The following YTHDC2 variants were observed in gnomAD, a reference collection of about 807,000 sequenced individuals.
YTHDC2 encodes the protein 3'-5' RNA helicase YTHDC2.
YTHDC2 carries 45 observed loss-of-function variants against 174.9 expected under a neutral mutation model. That is an observed-to-expected ratio of 0.26 (90% CI 0.20 to 0.33). The LOEUF is 0.33. Ranked by LOEUF, YTHDC2 falls within the 10% of genes least tolerant of loss-of-function variation. The pLI, the probability that YTHDC2 is intolerant of heterozygous loss-of-function variation, is 1.00. For synonymous variants in YTHDC2, 657 were observed against 574.5 expected (o/e 1.14, Z -2.05); for missense variants, 1,650 against 1,723.7 (o/e 0.96, Z 0.76).
intron 4 of YTHDC2, among the ~76,000 whole-genome samples, chr5:113,528,299 GTTAAT>G (rs1774420534): frequency 6.6e-6 from 1 of 151,948 alleles, no homozygotes; most frequent in South Asian, 2.1e-4. Flanking sequence ...AGAAGAAACT[GTTAAT>G]TTAATGAGTT....
chr5:113,542,218 T>C (rs548739074), intron 9 of YTHDC2, 150 bp from the exon 10 acceptor site: 41 of 728,762 alleles, frequency 5.6e-5, no homozygotes, highest in Non-Finnish European at 8.1e-5. Context: ...TGATAATGTT[T>C]GTGATGAAAG....
rs536079435 is a variant in YTHDC2 at position 113,573,740 on chromosome 5, A to G, written c.3245-5846A>G. Among the ~76,000 whole-genome samples the G allele has an allele frequency of 9.9e-5, 15 of 151,860 alleles. No homozygotes were observed. The South Asian group carries it at 1.0e-3, about 11-fold the overall frequency. On this transcript the variant is annotated intron_variant, in intron 23 of 29. Coordinates refer to ENST00000161863, the MANE Select transcript of YTHDC2 (RefSeq NM_022828.5). ...GACGGTCTTCAAGCTCTGAGATTCT[A>G]TTCTCTGCTTGGTCTGTGCTTCTGT...
chr5:113,561,332 C>G (rs1034666794), intron 18 of YTHDC2, 147 bp downstream of exon 18: 1 of 474,460 alleles, frequency 2.1e-6, no homozygotes, highest in South Asian at 5.6e-5. Context: ...ATGTCTATAA[C>G]AAATATTTTT....
At position 113,539,186 on chromosome 5, in the gene YTHDC2, AT is replaced by A. The variant is rs752552576; in HGVS notation, c.1210+11del. The A allele has an allele frequency of 6.5e-6, 8 of 1,232,144 alleles. No individual in the cohort carries two copies. In the African/African-American group the frequency reaches 7.8e-5, roughly 12 times the overall value. The allele number at this position is 1,232,144 out of a possible 1,614,324, so 76.3% of individuals were successfully genotyped here. A position where few individuals can be genotyped will look rare whatever the true frequency, so the allele number is the denominator to read the frequency against. On this transcript the variant is annotated splice_donor_region_variant and intron_variant, in intron 8 of 29. Coordinates refer to ENST00000161863, the MANE Select transcript of YTHDC2 (RefSeq NM_022828.5). ...ATAAAAAGGAAAAACAGCAAGGTAA[AT>A]TTTTTAATAAAAGAAATATAAAAGA...
chr5:113,542,579 G>A, intron 10 of YTHDC2, 76 bp downstream of exon 10: 3 of 1,375,028 alleles, frequency 2.2e-6, no homozygotes, highest in South Asian at 1.5e-5. Context: ...CAAAACGTAT[G>A]TACTACCAAT....
chr5:113,515,218 T>G (rs1240184073), intron 1 of YTHDC2, 54 bp from the exon 2 acceptor site: 4 of 1,350,362 alleles, frequency 3.0e-6, no homozygotes, highest in Non-Finnish European at 3.1e-6. Context: ...GTGTTTTACT[T>G]GAGAGAAAAT....
chr5:113,526,826 A>T (rs59216476), intron 4 of YTHDC2, 41 bp downstream of exon 4: 13,556 of 145,068 alleles, frequency 0.093, 546 homozygotes, highest in African/African-American at 0.15. Flanking sequence ...AAAAAAAAAA[A>T]ATATATATAT....
rs149320816 is a variant in YTHDC2, at chr5:113,517,691, T to A, written c.278+2329T>A. 2.3e-4 allele frequency: 93 copies of A among 397,338 alleles called. No individual in the cohort carries two copies. The East Asian group carries it at 6.6e-3, about 28-fold the overall frequency. The allele number at this position is 397,338 out of a possible 1,614,324, so 24.6% of individuals were successfully genotyped here. ...TCTTACGAAATACCCTAGCTCCTTCTCTCTTTTTTTCATCTTTGAGTAAAC... is the reference window on the plus strand; with the variant it reads ...TCTTACGAAATACCCTAGCTCCTTCACTCTTTTTTTCATCTTTGAGTAAAC... On this transcript the variant is annotated intron_variant, in intron 2 of 29. Coordinates refer to ENST00000161863, the MANE Select transcript of YTHDC2 (RefSeq NM_022828.5).
intron 25 of YTHDC2, chr5:113,584,080 G>GCT (rs1778543431): frequency 2.8e-6 from 1 of 351,532 alleles, no homozygotes; most frequent in South Asian, 1.4e-4. Flanking sequence ...AAGTTACGAG[G>GCT]CTTGCTCAGG....
At chr5:113,523,808 T>C (rs1774034711) in intron 2 of YTHDC2, among the ~76,000 whole-genome samples, 1 of 152,122 alleles carries the variant, frequency 6.6e-6, no homozygotes, top group Non-Finnish European at 1.5e-5. Flanking sequence ...TGATAAAATT[T>C]ACATCTAATG....
At chr5:113,527,947 C>G (rs1424162041) in intron 4 of YTHDC2, among the ~76,000 whole-genome samples, 6 of 152,124 alleles carry the variant, frequency 3.9e-5, no homozygotes, top group Non-Finnish European at 7.4e-5. Flanking sequence ...CCCGCCACCA[C>G]GCCTGACCCA....
At chr5:113,575,945 G>C (rs1313012369) in intron 23 of YTHDC2, among the ~76,000 whole-genome samples, 4 of 150,132 alleles carry the variant, frequency 2.7e-5, no homozygotes, top group African/African-American at 9.7e-5. Context: ...ATTGAATGTG[G>C]GTAGTAAGGG....
chr5:113,591,389 C>A (rs1294466000), intron 27 of YTHDC2, 145 bp downstream of exon 27: 20 of 788,976 alleles, frequency 2.5e-5, no homozygotes, highest in Non-Finnish European at 3.4e-5. Context: ...TATTGCATCT[C>A]TTTAGAGGAT....
intron 18 of YTHDC2, 35 bp downstream of exon 18, chr5:113,561,220 T>G (rs2112706801): frequency 1.3e-6 from 2 of 1,565,048 alleles, no homozygotes; most frequent in Non-Finnish European, 1.7e-6. Flanking sequence ...GGCATTTTTT[T>G]GGGTGAGGGA....
intron 19 of YTHDC2, 64 bp from the exon 20 acceptor site, chr5:113,563,795 T>C: frequency 6.4e-7 from 1 of 1,554,070 alleles, no homozygotes; most frequent in Non-Finnish European, 8.8e-7. Flanking sequence ...TAGGGGTTTT[T>C]AATTATGTGT....
At chr5:113,526,848 TAGTCCCATATTATAA>T in intron 4 of YTHDC2, 63 bp downstream of exon 4, 1 of 370,286 alleles carries the variant, frequency 2.7e-6, no homozygotes, top group Non-Finnish European at 4.1e-6. Flanking sequence ...TATATATATA[TAGTCCCATATTATAA>T]TTTTATATCA....
chr5:113,528,977 A>T (rs1207223002), intron 4 of YTHDC2, among the ~76,000 whole-genome samples: 2 of 151,592 alleles, frequency 1.3e-5, no homozygotes, highest in Non-Finnish European at 2.9e-5. Flanking sequence ...GCATTGTTAT[A>T]TATTGGTTTT....
chr5:113,533,380 TA>T (rs879428787), intron 5 of YTHDC2, among the ~76,000 whole-genome samples: 206 of 143,786 alleles, frequency 1.4e-3, no homozygotes, highest in Admixed American at 1.3e-3. Context: ...CTGTCTCTAC[TA>T]AAAAAAAAAA....
intron 16 of YTHDC2, among the ~76,000 whole-genome samples, chr5:113,554,834 AAAT>A (rs1454996575): frequency 1.3e-5 from 2 of 152,050 alleles, no homozygotes; most frequent in Non-Finnish European, 2.9e-5. Flanking sequence ...TTCGCTGAAA[AAAT>A]GAAAGTGGTA....
Sources: allele counts gnomAD v4.1 joint callset (sites outside exome capture counted in the v4.1 genomes callset), GRCh38; gene constraint gnomAD v4.1.1; transcripts MANE v1.5; gene names NCBI Gene and HGNC (gene_info 2026-07-23, HGNC 2026-07-21).